The following YKT6 variants were observed in gnomAD, a reference collection of about 807,000 sequenced individuals.
YKT6 encodes the protein synaptobrevin homolog YKT6.
In YKT6, 12 loss-of-function variants were observed where a neutral mutation model predicts 29.3. That is an observed-to-expected ratio of 0.41 (90% confidence interval 0.26 to 0.66). The LOEUF (loss-of-function observed/expected upper bound fraction) is 0.66, where lower values mean the gene tolerates loss of function less well. YKT6 is among the 30% of genes least tolerant of loss of function. The pLI is 0.32. For synonymous variants in YKT6, 86 were observed against 94.3 expected (o/e 0.91, Z 0.51); for missense variants, 188 against 243.8 (o/e 0.77, Z 1.52).
At chr7:44,209,110 T>TC (rs1013784450) in intron 5 of YKT6, among the ~76,000 whole-genome samples, 1 of 152,216 alleles carries the variant, frequency 6.6e-6, no homozygotes, top group African/African-American at 2.4e-5. Flanking sequence ...TCCATCCTGC[T>TC]CATGATACAG....
chr7:44,208,085 C>T (rs761571373), intron 4 of YKT6, 48 bp from the exon 5 acceptor site: 9 of 1,590,260 alleles, frequency 5.7e-6, no homozygotes, highest in African/African-American at 1.3e-5. Context: ...GTTTTGTTTG[C>T]AGGTAGCCAC....
intron 2 of YKT6, 87 bp downstream of exon 2, chr7:44,204,737 G>C: frequency 7.9e-7 from 1 of 1,259,096 alleles, no homozygotes; most frequent in Non-Finnish European, 1.2e-6. Context: ...CCTTTCTACT[G>C]GGACCCTACT....
At chr7:44,207,949 C>T (rs2096342717) in intron 4 of YKT6, among the ~76,000 whole-genome samples, 184 bp from the exon 5 acceptor site, 1 of 152,144 alleles carries the variant, frequency 6.6e-6, no homozygotes, top group Admixed American at 6.5e-5. Context: ...GTCTCGAACT[C>T]TTGATCTCTG....
At chr7:44,206,048 G>A (rs2096340455) in intron 2 of YKT6, among the ~76,000 whole-genome samples, 1 of 152,196 alleles carries the variant, frequency 6.6e-6, no homozygotes, top group Non-Finnish European at 1.5e-5. Context: ...CTAAGATATA[G>A]CTTGGCCTGA....
intron 4 of YKT6, among the ~76,000 whole-genome samples, chr7:44,207,876 C>T (rs958074437): frequency 6.6e-6 from 1 of 152,176 alleles, no homozygotes; most frequent in Non-Finnish European, 1.5e-5. Flanking sequence ...CAGGCATGTG[C>T]CACCACGCCT....
chr7:44,207,513 A>G (rs768921588), intron 4 of YKT6, 21 bp downstream of exon 4: 3 of 1,607,162 alleles, frequency 1.9e-6, no homozygotes, highest in African/African-American at 1.3e-5. Flanking sequence ...AGGAAGCTTC[A>G]GCAGACACCA....
chr7:44,207,212 A>G, intron 3 of YKT6, 176 bp from the exon 4 acceptor site: 1 of 509,052 alleles, frequency 2.0e-6, no homozygotes, highest in Non-Finnish European at 3.5e-6. Context: ...AAATTTGGAA[A>G]GAACTTTAGC....
Position 44,212,379 on chromosome 7 carries a change from G to C in YKT6, c.*97G>C. 2 of 1,505,696 alleles carry C rather than the reference G, an allele frequency of 1.3e-6. No homozygotes were observed. Among genetic ancestry groups the C allele is most frequent in the South Asian group, 1.2e-5 (1 of 85,724 alleles). 93.3% of individuals were successfully genotyped at this position (1,505,696 alleles called of 1,614,324 possible). A position where few individuals can be genotyped will look rare whatever the true frequency, so the allele number is the denominator to read the frequency against. On this transcript the variant is annotated 3_prime_UTR_variant, in exon 7 of 7. Transcript: ENST00000223369. Reference sequence around the variant, plus strand: ...AGAGACAGCCATAGACGAGGAGCCAGAGTGGGGGCAGACTGGCCATTTTTA... The same window carrying C: ...AGAGACAGCCATAGACGAGGAGCCACAGTGGGGGCAGACTGGCCATTTTTA...
chr7:44,210,376 G>T (rs1246370268), intron 5 of YKT6, among the ~76,000 whole-genome samples: 2 of 152,202 alleles, frequency 1.3e-5, no homozygotes, highest in Admixed American at 1.3e-4. Flanking sequence ...TGGATTAGAG[G>T]TGCATCACTT....
chr7:44,206,357 C>A (rs1482199445), intron 2 of YKT6, 28 bp from the exon 3 acceptor site: 1 of 1,607,596 alleles, frequency 6.2e-7, no homozygotes, highest in South Asian at 1.1e-5. Flanking sequence ...ATGTCAGCAT[C>A]CATGTGTCTG....
intron 5 of YKT6, among the ~76,000 whole-genome samples, chr7:44,210,310 T>G (rs756628516): frequency 2.7e-4 from 41 of 152,182 alleles, no homozygotes; most frequent in Non-Finnish European, 5.0e-4. Context: ...GCTCTGAGTG[T>G]CTGTCCCAGG....
At chr7:44,201,615 C>T (rs1420209182) in intron 1 of YKT6, among the ~76,000 whole-genome samples, 3 of 152,204 alleles carry the variant, frequency 2.0e-5, no homozygotes, top group African/African-American at 7.2e-5. Flanking sequence ...TGAAGTAGTG[C>T]AGATTTCCAA....
rs184369884 is a variant in YKT6, at chr7:44,207,548, T to C, written c.393+56T>C. On this transcript the variant is annotated intron_variant, in intron 4 of 6. Transcript: ENST00000223369. ...ATGTGGCCCAGAATCCATGTGAAAC[T>C]GAAAAAGCCAACTGCCCTGATAGTT... 2.9e-4 allele frequency: 435 copies of C among 1,515,908 alleles called. No individual in the cohort carries two copies. In the African/African-American group the frequency reaches 4.2e-3, roughly 14 times the overall value. The allele number at this position is 1,515,908 out of a possible 1,614,324, so 93.9% of individuals were successfully genotyped here.
At chr7:44,208,013 T>G in intron 4 of YKT6, 120 bp from the exon 5 acceptor site, 1 of 1,049,812 alleles carries the variant, frequency 9.5e-7, no homozygotes, top group South Asian at 1.4e-5. Context: ...CGTGAGCCAC[T>G]GTGCCCGGCC....
At chr7:44,206,327 A>G (rs1358917358) in intron 2 of YKT6, 58 bp from the exon 3 acceptor site, 69 of 1,554,748 alleles carry the variant, frequency 4.4e-5, no homozygotes, top group Non-Finnish European at 5.9e-5. Flanking sequence ...TGGGGGGATT[A>G]AAAGAAGTCT....
At chr7:44,212,119 C>A in intron 6 of YKT6, 128 bp from the exon 7 acceptor site, 1 of 1,125,582 alleles carries the variant, frequency 8.9e-7, no homozygotes, top group African/African-American at 1.5e-5. Context: ...TCCACCCCCA[C>A]CCTGTTCTAG....
intron 1 of YKT6, 50 bp from the exon 2 acceptor site, chr7:44,204,517 TG>T (rs763935281): frequency 4.4e-6 from 7 of 1,588,318 alleles, no homozygotes; most frequent in Non-Finnish European, 6.0e-6. Flanking sequence ...TCCACTGTGT[TG>T]GGGACAAGGT....
Position 44,201,247 on chromosome 7 carries a change from G to T in YKT6, c.104+8G>T. On this transcript the variant is annotated splice_region_variant and intron_variant, in intron 1 of 6. Transcript: ENST00000223369. ...CTTTTTCCAGAGATCCAGGTGAGCG[G>T]CACAGGCTGGTGGGCCGTGGCGGTC... is the stretch of plus-strand genomic sequence containing the variant. 2.5e-6 allele frequency: 4 copies of T among 1,608,874 alleles called. No individual in the cohort carries two copies. In the South Asian group the frequency reaches 4.4e-5, roughly 18 times the overall value.
chr7:44,204,668 C>A lies in YKT6; in HGVS notation c.187+18C>A, dbSNP rs770950454. The A allele has an allele frequency of 1.2e-6, 2 of 1,613,736 alleles. No homozygotes were observed. The highest frequency in any genetic ancestry group is 2.2e-5 in the East Asian group (1 of 44,890). ...AGAACAAGGTAAGAAGACCCTCCAACTTCTGTGCGTGTGCTGGCCTGGCTG... is the reference window on the plus strand; with the variant it reads ...AGAACAAGGTAAGAAGACCCTCCAAATTCTGTGCGTGTGCTGGCCTGGCTG... On this transcript the variant is annotated intron_variant, in intron 2 of 6. Transcript: ENST00000223369.
Sources: allele counts gnomAD v4.1 joint callset (sites outside exome capture counted in the v4.1 genomes callset), GRCh38; gene constraint gnomAD v4.1.1; transcripts MANE v1.5; gene names NCBI Gene and HGNC (gene_info 2026-07-23, HGNC 2026-07-21).